Variants in ZSCAN5A observed in about 807,000 individuals in gnomAD.
ZSCAN5A encodes zinc finger and SCAN domain containing 5A.
In ZSCAN5A, 12 loss-of-function variants were observed where a neutral mutation model predicts 23.7. The ratio of observed to expected loss-of-function variants is 0.51; its 90% confidence interval spans 0.32 to 0.82. ZSCAN5A has a LOEUF of 0.82. Among genes scored for constraint, ZSCAN5A ranks in the 40% least tolerant of loss-of-function variants. The pLI, the probability that ZSCAN5A is intolerant of heterozygous loss-of-function variation, is 0.03. For synonymous variants in ZSCAN5A, 257 were observed against 239.9 expected, an observed-to-expected ratio of 1.07 and a Z score of -0.66; for missense variants, 597 against 617.9, an observed-to-expected ratio of 0.97 and a Z score of 0.36.
intron 2 of ZSCAN5A, among the ~76,000 whole-genome samples, chr19:56,250,956 C>G (rs1356619634): frequency 6.6e-6 from 1 of 152,116 alleles, no homozygotes; most frequent in Non-Finnish European, 1.5e-5. Context: ...CAAGACCATC[C>G]TGGCTAACAC....
At chr19:56,319,526 A>C (rs2041353329), upstream of ZSCAN5A, among the ~76,000 whole-genome samples, 2 of 149,048 alleles carry the variant, frequency 1.3e-5, no homozygotes, top group African/African-American at 2.5e-5. Flanking sequence ...AAAAGAATTT[A>C]CACAAAATGC....
chr19:56,286,098 T>G (rs2039098293), intron 2 of ZSCAN5A, among the ~76,000 whole-genome samples: 2 of 152,136 alleles, frequency 1.3e-5, no homozygotes, highest in Admixed American at 6.5e-5. Flanking sequence ...CTCAGCTCAT[T>G]GCAACCTCCG....
At chr19:56,321,512 T>A (rs965413482) in intron 2 of ZSCAN5A, 12 of 726,248 alleles carry the variant, frequency 1.7e-5, no homozygotes, top group Non-Finnish European at 2.8e-5. Context: ...CATGCACCAC[T>A]CACACGCACT....
intron 2 of ZSCAN5A, chr19:56,321,257 G>A (rs544359505): frequency 1.9e-4 from 126 of 668,112 alleles, no homozygotes; most frequent in Non-Finnish European, 3.3e-4. Context: ...TATCAGTAGT[G>A]CCAGCAATCA....
chr19:56,332,358 G>A (rs949999726), intron 2 of ZSCAN5A, among the ~76,000 whole-genome samples: 11 of 152,282 alleles, frequency 7.2e-5, no homozygotes, highest in African/African-American at 2.6e-4. Context: ...GGGTACGTAT[G>A]TATTTAGATA....
At chr19:56,314,079 C>T (rs959483607) in intron 1 of ZSCAN5A, among the ~76,000 whole-genome samples, 1 of 152,170 alleles carries the variant, frequency 6.6e-6, no homozygotes, top group Non-Finnish European at 1.5e-5. Flanking sequence ...TATCCTACCA[C>T]GCACAGGGCA....
At chr19:56,330,917 T>C (rs766131236) in intron 2 of ZSCAN5A, among the ~76,000 whole-genome samples, 1 of 152,240 alleles carries the variant, frequency 6.6e-6, no homozygotes, top group Non-Finnish European at 1.5e-5. Context: ...TAGGTTTTCT[T>C]CTAGACATCT....
chr19:56,247,108 A>T (rs765000221), intron 2 of ZSCAN5A: 23 of 699,516 alleles, frequency 3.3e-5, no homozygotes, highest in Non-Finnish European at 5.7e-5. Flanking sequence ...CAAGCTAGCC[A>T]TCCACATGAG....
rs115207756 is a variant in ZSCAN5A, at chr19:56,258,330, G to A, written c.-127-33157C>T. On this transcript the variant is annotated intron_variant, in intron 2 of 5. Transcript: ENST00000683990. ...GTATCAGGTCTCGTGTGGGCACAAG[G>A]GACACTGAGAGGAAATGGAGTCCTT... Among the ~76,000 whole-genome samples, 425 of 152,342 alleles carry A rather than the reference G, an allele frequency of 2.8e-3. 2 individuals carry two copies. The highest frequency in any genetic ancestry group is 8.7e-3 in the African/African-American group (360 of 41,562).
intron 2 of ZSCAN5A, among the ~76,000 whole-genome samples, chr19:56,255,976 T>C (rs2036666047): frequency 6.6e-6 from 1 of 152,214 alleles, no homozygotes; most frequent in Non-Finnish European, 1.5e-5. Context: ...CATTTGGAAA[T>C]TGTATTCCCA....
At chr19:56,329,615 TG>T (rs2147435189) in intron 2 of ZSCAN5A, among the ~76,000 whole-genome samples, 1 of 152,074 alleles carries the variant, frequency 6.6e-6, no homozygotes, top group Non-Finnish European at 1.5e-5. Flanking sequence ...TAGAAATTAT[TG>T]AAATTGAAAA....
intron 2 of ZSCAN5A, among the ~76,000 whole-genome samples, chr19:56,250,371 A>G (rs542697320): frequency 6.6e-6 from 1 of 152,354 alleles, no homozygotes; most frequent in East Asian, 1.9e-4. Flanking sequence ...ACTGGTGTAC[A>G]GTATAAAGAG....
intron 2 of ZSCAN5A, among the ~76,000 whole-genome samples, chr19:56,251,240 G>A (rs1427934517): frequency 2.6e-5 from 4 of 151,822 alleles, no homozygotes; most frequent in African/African-American, 9.7e-5. Context: ...TGTATTCAGT[G>A]ACTGACTGGG....
At chr19:56,360,374 T>C (rs144553375) in intron 2 of ZSCAN5A, among the ~76,000 whole-genome samples, 5,054 of 151,446 alleles carry the variant, frequency 0.033, 107 homozygotes, top group Middle Eastern at 0.088. Context: ...TAAGGGGAAG[T>C]GAAGGACCTC....
intron 2 of ZSCAN5A, among the ~76,000 whole-genome samples, chr19:56,229,823 A>T (rs1346741217): frequency 2.0e-5 from 3 of 151,796 alleles, no homozygotes; most frequent in African/African-American, 7.3e-5. Context: ...TAAATTTATT[A>T]CCAGGTTTTT....
At chr19:56,289,574 A>G (rs544224620) in intron 2 of ZSCAN5A, among the ~76,000 whole-genome samples, 1 of 152,228 alleles carries the variant, frequency 6.6e-6, no homozygotes, top group South Asian at 2.1e-4. Context: ...ACATAGTTGG[A>G]CCACACAAAT....
intron 5 of ZSCAN5A, 89 bp downstream of exon 5, chr19:56,222,502 C>T: frequency 6.4e-7 from 1 of 1,560,422 alleles, no homozygotes; most frequent in Non-Finnish European, 8.6e-7. Flanking sequence ...TGAGTGCCAA[C>T]TCCCCCAGGG....
chr19:56,290,378 A>G (rs1448866352), intron 2 of ZSCAN5A, among the ~76,000 whole-genome samples: 1 of 152,242 alleles, frequency 6.6e-6, no homozygotes, highest in African/African-American at 2.4e-5. Context: ...GACTGGGGCC[A>G]TGTGGCCTGC....
intron 2 of ZSCAN5A, among the ~76,000 whole-genome samples, chr19:56,341,689 G>A (rs1257238950): frequency 1.7e-5 from 2 of 118,122 alleles, no homozygotes; most frequent in Admixed American, 8.7e-5. Context: ...CTTCTAGGCA[G>A]GTTACCAAAA....
Sources: gnomAD v4.1 joint callset for allele counts (sites outside exome capture counted in the v4.1 genomes callset) on GRCh38, gnomAD v4.1.1 for gene constraint, MANE v1.5 for transcripts, NCBI Gene and HGNC (gene_info 2026-07-23, HGNC 2026-07-21) for gene names.